CD59: variants seen among roughly 807,000 people sequenced by gnomAD.
The protein encoded by CD59 is CD59 molecule (CD59 blood group), also known as CD59 glycoprotein.
A neutral mutation model predicts 7.0 loss-of-function variants in CD59; 3 were observed. The observed-to-expected ratio is 0.43, with a 90% CI of 0.19 to 1.10. The LOEUF is 1.10. Ranked by LOEUF, CD59 falls within the 50% of genes least tolerant of loss-of-function variation. The pLI, the probability that CD59 is intolerant of heterozygous loss-of-function variation, is 0.29. For missense variants in CD59, 143 were observed against 151.0 expected (o/e 0.95, Z 0.28); for synonymous variants, 60 against 62.0 (o/e 0.97, Z 0.15).
intron 3 of CD59, chr11:33,711,291 A>AC (rs1226534660): frequency 2.2e-5 from 14 of 640,370 alleles, no homozygotes; most frequent in African/African-American, 3.7e-5. Flanking sequence ...ACATGGCAAG[A>AC]CCCCCTCTCT....
chr11:33,720,352 A>T (rs1304137010), intron 2 of CD59, among the ~76,000 whole-genome samples: 2 of 152,104 alleles, frequency 1.3e-5, no homozygotes, highest in Non-Finnish European at 2.9e-5. Flanking sequence ...CTTCTAATTG[A>T]CCTGAGTGGG....
intron 1 of CD59, among the ~76,000 whole-genome samples, chr11:33,729,061 G>C (rs1424427842): frequency 1.3e-5 from 2 of 152,242 alleles, no homozygotes; most frequent in Non-Finnish European, 2.9e-5. Context: ...CTTTTACACT[G>C]TTGGTGGGAG....
At chr11:33,718,049 G>T in intron 2 of CD59, 1 of 170,392 alleles carries the variant, frequency 5.9e-6, no homozygotes, top group Non-Finnish European at 1.3e-5. Flanking sequence ...CTCATTAGTA[G>T]ATGTGTATTA....
At chr11:33,720,632 G>C (rs1359961358) in intron 2 of CD59, among the ~76,000 whole-genome samples, 1 of 152,228 alleles carries the variant, frequency 6.6e-6, no homozygotes, top group Non-Finnish European at 1.5e-5. Context: ...AGAAGACTGA[G>C]GCAGGAGAAT....
At chr11:33,714,304 G>A (rs1338646087) in intron 3 of CD59, among the ~76,000 whole-genome samples, 2 of 152,166 alleles carry the variant, frequency 1.3e-5, no homozygotes, top group Non-Finnish European at 2.9e-5. Context: ...ACTGAATACT[G>A]TAGGCAACTG....
Position 33,722,436 on chromosome 11 carries a change from GGATTCCCATTGT to G in CD59, c.-3_9del. The G allele has an allele frequency of 6.2e-7, 1 of 1,613,998 alleles. No individual in the cohort carries two copies. Among genetic ancestry groups the G allele is most frequent in the Non-Finnish European group, 8.5e-7 (1 of 1,179,936 alleles). On this transcript the variant is annotated start_lost and 5_prime_UTR_variant, in exon 2 of 4. Coordinates refer to ENST00000642928, the MANE Select transcript of CD59 (RefSeq NM_000611.6). ...AGCCCGAACAGGACAGACCCTCCTT[GGATTCCCATTGT>G]GATTGTCCACAGAACCTGGAAGGAA... is the stretch of plus-strand genomic sequence containing the variant.
chr11:33,711,028 G>C (rs566568253), intron 3 of CD59, among the ~76,000 whole-genome samples: 1 of 114,170 alleles, frequency 8.8e-6, no homozygotes, highest in South Asian at 3.6e-4. Flanking sequence ...GAAGGAGCTT[G>C]ATTTAAAAAA....
chr11:33,729,995 A>G (rs1458741933), intron 1 of CD59, among the ~76,000 whole-genome samples: 1 of 152,152 alleles, frequency 6.6e-6, no homozygotes, highest in Non-Finnish European at 1.5e-5. Flanking sequence ...GCAATTGAAA[A>G]AACTGTTAGA....
chr11:33,719,346 G>A (rs1853944621), intron 2 of CD59: 1 of 152,246 alleles, frequency 6.6e-6, no homozygotes, highest in Admixed American at 6.5e-5. Flanking sequence ...ACTAGGCCAG[G>A]TGTGGCGGCT....
In CD59 at chr11:33,710,342, C is replaced by T. The variant is rs2231459; in HGVS notation, c.171G>A (p.Gly57=). The stretch of plus-strand genomic sequence containing the variant: ...TCCAACACTTGTTATACACTTGTAA[C>T]CCTGTGGGGAGACACACACAAGGGT... ...DFDACLITKA[G]LQVYNKCWKF... The change falls in exon 4 of 4, where the codon GGG becomes GGA. Residue 57 remains glycine (G), a splice_region_variant and synonymous_variant. Coordinates refer to ENST00000642928, the MANE Select transcript of CD59 (RefSeq NM_000611.6). The T allele has an allele frequency of 5.6e-5, 90 of 1,612,594 alleles. No individual in the cohort carries two copies. In the Middle Eastern group the frequency reaches 1.2e-3, roughly 21 times the overall value.
intron 1 of CD59, among the ~76,000 whole-genome samples, chr11:33,735,149 T>C (rs932680367): frequency 1.3e-5 from 2 of 152,164 alleles, no homozygotes; most frequent in African/African-American, 4.8e-5. Context: ...TCCCTCAACA[T>C]TCGGGGCTCT....
In CD59 at chr11:33,709,811, G is replaced by A. The variant is rs1384414629; in HGVS notation, c.*315C>T. Reference sequence around the variant, plus strand: ...CAAGGAGCCAGAGGAAAAATAATCTGAGGGCTGCAGAGAACCCACTCAAGC... The same window carrying A: ...CAAGGAGCCAGAGGAAAAATAATCTAAGGGCTGCAGAGAACCCACTCAAGC... On this transcript the variant is annotated 3_prime_UTR_variant, in exon 4 of 4. Coordinates refer to ENST00000642928, the MANE Select transcript of CD59 (RefSeq NM_000611.6). The A allele has an allele frequency of 6.2e-6, 3 of 481,128 alleles. No individual in the cohort carries two copies. The highest frequency in any genetic ancestry group is 3.3e-5 in the Admixed American group (1 of 29,876). 29.8% of individuals were successfully genotyped at this position (481,128 alleles called of 1,614,324 possible).
intron 2 of CD59, chr11:33,718,593 A>T (rs1417647403): frequency 6.6e-6 from 1 of 152,294 alleles, no homozygotes; most frequent in Non-Finnish European, 1.5e-5. Flanking sequence ...GAATGCCAGG[A>T]GTACACACTG....
At chr11:33,733,366 C>T (rs1854473343) in intron 1 of CD59, 1 of 152,290 alleles carries the variant, frequency 6.6e-6, no homozygotes, top group African/African-American at 2.4e-5. Flanking sequence ...CCTATAATCC[C>T]AGCACTTTGG....
At position 33,717,513 on chromosome 11, in the gene CD59, G is replaced by T; in HGVS notation, c.68-42C>A. On this transcript the variant is annotated intron_variant, in intron 2 of 3. Transcript: ENST00000642928. ...AGTCAGGATCTCTTAAAGCAGCACT[G>T]ACTTGTCCCCTGGCAGCCCACCATC... 2.3e-6 allele frequency: 3 copies of T among 1,308,306 alleles called. No homozygotes were observed. The South Asian group carries it at 3.6e-5, about 16-fold the overall frequency. 81.0% of individuals were successfully genotyped at this position (1,308,306 alleles called of 1,614,324 possible). A position where few individuals can be genotyped will look rare whatever the true frequency, so the allele number is the denominator to read the frequency against.
At chr11:33,723,094 T>G in intron 1 of CD59, 1 of 366,758 alleles carries the variant, frequency 2.7e-6, no homozygotes, top group Non-Finnish European at 3.8e-6. Flanking sequence ...AACCCTACTT[T>G]ACCCAGTAAA....
In CD59 at chr11:33,704,539, A is replaced by T. The variant is rs185478880; in HGVS notation, c.*5587T>A. 5.9e-5 allele frequency: 9 copies of T among 152,200 alleles called. No homozygotes were observed. In the East Asian group the frequency reaches 1.7e-3, roughly 29 times the overall value. 9.4% of individuals were successfully genotyped at this position (152,200 alleles called of 1,614,324 possible). ...ACGACCTGCTGAGGACATAATGATAAACACACACAAGAGGCTACTGTGTCC... is the reference window on the plus strand; with the variant it reads ...ACGACCTGCTGAGGACATAATGATATACACACACAAGAGGCTACTGTGTCC... On this transcript the variant is annotated 3_prime_UTR_variant, in exon 4 of 4. Transcript: ENST00000642928.
chr11:33,729,915 T>G (rs1854365537), intron 1 of CD59, among the ~76,000 whole-genome samples: 1 of 152,158 alleles, frequency 6.6e-6, no homozygotes, highest in Non-Finnish European at 1.5e-5. Flanking sequence ...CAACACAGGT[T>G]TGAACTGCAG....
At chr11:33,726,137 C>T (rs910908544) in intron 1 of CD59, among the ~76,000 whole-genome samples, 2 of 152,174 alleles carry the variant, frequency 1.3e-5, no homozygotes, top group Admixed American at 6.5e-5. Flanking sequence ...AGGAAATTAA[C>T]AAGGATATCC....
Sources: allele counts gnomAD v4.1 joint callset (sites outside exome capture counted in the v4.1 genomes callset), GRCh38; gene constraint gnomAD v4.1.1; transcripts MANE v1.5; gene names NCBI Gene and HGNC (gene_info 2026-07-23, HGNC 2026-07-21).